Variants in PTPRG observed in about 807,000 individuals in gnomAD.
The protein encoded by PTPRG is protein tyrosine phosphatase receptor type G.
Under a neutral mutation model 165.3 loss-of-function variants are expected in PTPRG, and 102 were observed. The ratio of observed to expected loss-of-function variants is 0.62; its 90% CI spans 0.53 to 0.73. The LOEUF is 0.73. PTPRG is among the 30% of genes least tolerant of loss of function. The pLI is 0.00. For synonymous variants in PTPRG, 675 were observed against 669.5 expected, an observed-to-expected ratio of 1.01 and a Z score of -0.13; for missense variants, 1,866 against 1,861.4, an observed-to-expected ratio of 1.00 and a Z score of -0.05.
chr3:61,711,242 G>A (rs749148245), intron 1 of PTPRG, among the ~76,000 whole-genome samples: 1 of 152,208 alleles, frequency 6.6e-6, no homozygotes, highest in Non-Finnish European at 1.5e-5. Context: ...ATGTGTGCAT[G>A]TGTCTTTATA....
chr3:61,943,511 G>C (rs1338947657), intron 2 of PTPRG, among the ~76,000 whole-genome samples: 1 of 152,218 alleles, frequency 6.6e-6, no homozygotes, highest in Non-Finnish European at 1.5e-5. Flanking sequence ...CCAGGAGGCA[G>C]AGGTTTCAGT....
chr3:61,763,278 C>T (rs957634659), intron 2 of PTPRG, among the ~76,000 whole-genome samples: 2 of 151,800 alleles, frequency 1.3e-5, no homozygotes, highest in African/African-American at 4.8e-5. Flanking sequence ...CACCCTGTTG[C>T]CCAGGCTGGA....
chr3:62,078,093 G>A, intron 4 of PTPRG, 70 bp from the exon 5 acceptor site: 4 of 1,022,374 alleles, frequency 3.9e-6, no homozygotes, highest in East Asian at 2.6e-5. Flanking sequence ...TACATTTATG[G>A]TACTATTCTC....
chr3:62,182,214 G>T (rs1279298965), intron 8 of PTPRG, among the ~76,000 whole-genome samples: 1 of 152,146 alleles, frequency 6.6e-6, no homozygotes, highest in Non-Finnish European at 1.5e-5. Flanking sequence ...TGTCTCAGGG[G>T]TGGAAATTCA....
At chr3:62,063,349 C>T (rs1700883526) in intron 4 of PTPRG, among the ~76,000 whole-genome samples, 1 of 152,134 alleles carries the variant, frequency 6.6e-6, no homozygotes. Flanking sequence ...AGCCTTTATC[C>T]AGTTCAGAAA....
Position 61,862,193 on chromosome 3 carries a change from A to T in PTPRG, c.190+113211A>T, listed in dbSNP as rs531283542. 3.3e-5 allele frequency among the ~76,000 whole-genome samples: 5 copies of T among 152,190 alleles called. No individual in the cohort carries two copies. In the East Asian group the frequency reaches 9.7e-4, roughly 29 times the overall value. Reference sequence around the variant, plus strand: ...GGGTCTAGATTCCTTGCTCCTTAAGAGATGCTAATGCCTATTGGAAAAAGT... The same window carrying T: ...GGGTCTAGATTCCTTGCTCCTTAAGTGATGCTAATGCCTATTGGAAAAAGT... On this transcript the variant is annotated intron_variant, in intron 2 of 29. Transcript: ENST00000474889.
At chr3:62,221,343 A>G (rs1700646245) in intron 13 of PTPRG, among the ~76,000 whole-genome samples, 1 of 152,254 alleles carries the variant, frequency 6.6e-6, no homozygotes, top group African/African-American at 2.4e-5. Context: ...TACTCCCAGT[A>G]GCACAAAAAA....
intron 5 of PTPRG, among the ~76,000 whole-genome samples, chr3:62,119,115 A>C (rs1702968909): frequency 6.6e-6 from 1 of 152,182 alleles, no homozygotes; most frequent in Non-Finnish European, 1.5e-5. Flanking sequence ...TCAGATTTCT[A>C]AACAGGTAAT....
chr3:61,583,071 G>A (rs1700342505), intron 1 of PTPRG, among the ~76,000 whole-genome samples: 2 of 152,144 alleles, frequency 1.3e-5, no homozygotes, highest in South Asian at 2.1e-4. Flanking sequence ...TGAGGCAAAT[G>A]GGCTTATTCC....
chr3:61,983,096 A>G (rs542986911), intron 2 of PTPRG, among the ~76,000 whole-genome samples: 5 of 152,342 alleles, frequency 3.3e-5, no homozygotes, highest in Admixed American at 3.3e-4. Context: ...GAGCAGCTTT[A>G]TAACTGAATA....
At chr3:62,282,545 A>C (rs1257136985) in intron 27 of PTPRG, among the ~76,000 whole-genome samples, 182 bp from the exon 28 acceptor site, 1 of 144,638 alleles carries the variant, frequency 6.9e-6, no homozygotes, top group Non-Finnish European at 1.5e-5. Context: ...TTTTTAAAAA[A>C]CAAAAAAACA....
At chr3:62,220,019 G>T (rs1282304075) in intron 13 of PTPRG, among the ~76,000 whole-genome samples, 1 of 152,212 alleles carries the variant, frequency 6.6e-6, no homozygotes, top group Non-Finnish European at 1.5e-5. Flanking sequence ...CCTGAGCAAA[G>T]ACCTAAAGGA....
intron 1 of PTPRG, among the ~76,000 whole-genome samples, chr3:61,617,517 A>T (rs1701329922): frequency 6.6e-6 from 1 of 152,240 alleles, no homozygotes; most frequent in African/African-American, 2.4e-5. Flanking sequence ...AACTTCCAAG[A>T]ACCAGATGGC....
intron 1 of PTPRG, among the ~76,000 whole-genome samples, chr3:61,677,569 G>A (rs6783797): frequency 0.044 from 6,751 of 152,230 alleles, 410 homozygotes; most frequent in African/African-American, 0.14. Context: ...ATTATAATGT[G>A]TGCATATAAA....
chr3:62,022,356 A>G (rs1351115818), intron 4 of PTPRG, among the ~76,000 whole-genome samples: 2 of 152,220 alleles, frequency 1.3e-5, no homozygotes, highest in East Asian at 1.9e-4. Context: ...AGTTAAATCT[A>G]GTTTTGGTGC....
intron 8 of PTPRG, among the ~76,000 whole-genome samples, chr3:62,191,147 T>C (rs1699803695): frequency 6.6e-6 from 1 of 151,610 alleles, no homozygotes; most frequent in Non-Finnish European, 1.5e-5. Flanking sequence ...CTGTGTCCCG[T>C]GCACGTGTGT....
intron 1 of PTPRG, among the ~76,000 whole-genome samples, chr3:61,579,747 G>C (rs1700241625): frequency 6.6e-6 from 1 of 152,190 alleles, no homozygotes; most frequent in African/African-American, 2.4e-5. Context: ...TAAGAGCTGA[G>C]TTCTGAAAAG....
intron 4 of PTPRG, among the ~76,000 whole-genome samples, chr3:62,045,721 C>A (rs1383881016): frequency 6.6e-6 from 1 of 152,250 alleles, no homozygotes; most frequent in East Asian, 1.9e-4. Flanking sequence ...CTTCTCTTAA[C>A]AGGTCATGAC....
intron 3 of PTPRG, among the ~76,000 whole-genome samples, chr3:62,003,037 G>T (rs1480786643): frequency 6.6e-6 from 1 of 152,042 alleles, no homozygotes; most frequent in Non-Finnish European, 1.5e-5. Flanking sequence ...GCAGTTTTAG[G>T]AGACACTGAT....
Sources: allele counts gnomAD v4.1 joint callset (sites outside exome capture counted in the v4.1 genomes callset), GRCh38; gene constraint gnomAD v4.1.1; transcripts MANE v1.5; gene names NCBI Gene and HGNC (gene_info 2026-07-23, HGNC 2026-07-21).